SLC7A5: variants seen among roughly 807,000 people sequenced by gnomAD.
The protein encoded by SLC7A5 is large neutral amino acids transporter small subunit 1.
A neutral mutation model predicts 50.2 loss-of-function variants in SLC7A5; 23 were observed. The observed-to-expected ratio is 0.46, with a 90% CI of 0.33 to 0.65. SLC7A5 has a LOEUF of 0.65. SLC7A5 is among the 30% of genes least tolerant of loss of function. The probability of loss-of-function intolerance (pLI) is 0.02; values close to 1 mark genes in which losing one functional copy is unlikely to be tolerated. For missense variants in SLC7A5, 578 were observed against 684.4 expected (o/e 0.84, Z 1.73); for synonymous variants, 393 against 330.6 (o/e 1.19, Z -2.05).
chr16:87,842,756 G>A (rs1414167815), intron 2 of SLC7A5, among the ~76,000 whole-genome samples: 4 of 152,202 alleles, frequency 2.6e-5, no homozygotes, highest in African/African-American at 9.6e-5. Context: ...CCCACTGCCT[G>A]CGTGTGATGT....
chr16:87,858,047 G>T (rs1319415662), intron 1 of SLC7A5, among the ~76,000 whole-genome samples: 1 of 152,142 alleles, frequency 6.6e-6, no homozygotes, highest in Non-Finnish European at 1.5e-5. Context: ...TGACACAAGC[G>T]TCCTGGTGGA....
intron 1 of SLC7A5, among the ~76,000 whole-genome samples, chr16:87,863,970 T>A (rs1354963075): frequency 8.8e-6 from 1 of 113,772 alleles, no homozygotes; most frequent in African/African-American, 3.3e-5. Context: ...CCCAACCTTA[T>A]GTGTGATCAT....
In SLC7A5 at chr16:87,869,319, G is replaced by C. The variant is rs571025188; in HGVS notation, c.104C>G (p.Ser35Trp). The C allele has an allele frequency of 9.9e-6, 16 of 1,610,750 alleles. No individual in the cohort carries two copies. In the African/African-American group the frequency reaches 1.5e-4, roughly 15 times the overall value. The change falls in exon 1 of 10, where the codon TCG becomes TGG. Residue 35 changes from serine (S) to tryptophan (W), a missense_variant. This residue lies in a region of SLC7A5 where 113 missense variants were observed against 89.8 expected (regional missense o/e 1.26). Coordinates refer to ENST00000261622, the MANE Select transcript of SLC7A5 (RefSeq NM_003486.7). ...GCCCTCGCCCTCGCCTGCCGGCGCC[G>C]AGCCGTCCGCGCTCTTGGCGGCCAG... ...KMLAAKSADG[S>W]APAGEGEGVT...
chr16:87,864,573 A>G (rs1221312796), intron 1 of SLC7A5, among the ~76,000 whole-genome samples: 1 of 152,178 alleles, frequency 6.6e-6, no homozygotes, highest in East Asian at 1.9e-4. Context: ...GCCTCAGCAA[A>G]GCCCACCTCT....
intron 1 of SLC7A5, among the ~76,000 whole-genome samples, chr16:87,867,569 C>G (rs994710080): frequency 2.0e-5 from 3 of 152,136 alleles, no homozygotes; most frequent in African/African-American, 7.2e-5. Context: ...CCCCTCCCCC[C>G]CAAAGTACGG....
intron 2 of SLC7A5, among the ~76,000 whole-genome samples, chr16:87,847,282 G>C (rs1394557676): frequency 2.0e-5 from 3 of 152,200 alleles, no homozygotes; most frequent in Non-Finnish European, 4.4e-5. Flanking sequence ...CCAGCAGCTG[G>C]GCATGTGCTG....
chr16:87,843,217 C>G (rs2055104298), intron 2 of SLC7A5, among the ~76,000 whole-genome samples: 2 of 152,136 alleles, frequency 1.3e-5, no homozygotes, highest in African/African-American at 4.8e-5. Flanking sequence ...GACCTCCAGC[C>G]TCATGACAGA....
chr16:87,852,636 CTCTGTGTGTGTGTG>C lies in SLC7A5; in HGVS notation c.539-801_539-788del, dbSNP rs2055247131. 1.0e-5 allele frequency among the ~76,000 whole-genome samples: 1 copy of C among 97,438 alleles called. No homozygotes were observed. Among genetic ancestry groups the C allele is most frequent in the African/African-American group, 3.8e-5 (1 of 26,622 alleles). 63.9% of individuals were successfully genotyped at this position (97,438 alleles called of 152,430 possible). On this transcript the variant is annotated intron_variant, in intron 1 of 9. Transcript: ENST00000261622. This position sits in a 1 kb window ranked among gnomAD's most constrained non-coding sequence, Gnocchi z 4.5. ...CCCTGTAAGGCACCCAGCTCTGAGCCTCTGTGTGTGTGTGTGTGTGTGTGTGTGTGTGTGTGTGT... is the reference window on the plus strand; with the variant it reads ...CCCTGTAAGGCACCCAGCTCTGAGCCTGTGTGTGTGTGTGTGTGTGTGTGT...
At chr16:87,839,853 C>T (rs765173015) in intron 4 of SLC7A5, 28 bp from the exon 5 acceptor site, 4 of 1,612,848 alleles carry the variant, frequency 2.5e-6, no homozygotes, top group Admixed American at 3.3e-5. Flanking sequence ...GACATGTCAC[C>T]CAACGCAGCC....
At position 87,860,356 on chromosome 16, in the gene SLC7A5, A is replaced by G. The variant is rs1177911544; in HGVS notation, c.539-8507T>C. Among the ~76,000 whole-genome samples the G allele has an allele frequency of 5.8e-4, 63 of 109,516 alleles. 1 individual carries two copies. The highest frequency in any genetic ancestry group is 2.2e-3 in the African/African-American group (63 of 29,160). 71.8% of individuals were successfully genotyped at this position (109,516 alleles called of 152,430 possible). A position where few individuals can be genotyped will look rare whatever the true frequency, so the allele number is the denominator to read the frequency against. On this transcript the variant is annotated intron_variant, in intron 1 of 9. Transcript: ENST00000261622. This position sits in a 1 kb window ranked among gnomAD's most constrained non-coding sequence, Gnocchi z 4.8. Reference sequence around the variant, plus strand: ...AAAAAAAAAATACACACACACACACACACACACACACACACACACACACAC... The same window carrying G: ...AAAAAAAAAATACACACACACACACGCACACACACACACACACACACACAC...
intron 2 of SLC7A5, among the ~76,000 whole-genome samples, chr16:87,851,155 C>T (rs991866284): frequency 2.6e-5 from 4 of 151,650 alleles, no homozygotes; most frequent in African/African-American, 9.6e-5. Flanking sequence ...ACAGTGGACA[C>T]GTCTGAGTGA....
intron 1 of SLC7A5, among the ~76,000 whole-genome samples, chr16:87,865,787 T>G (rs113695266): frequency 1.8e-3 from 275 of 152,212 alleles, no homozygotes; most frequent in African/African-American, 6.2e-3. Flanking sequence ...AACGCGTGAC[T>G]TGGTACAGCC....
rs1354338922 is a variant in SLC7A5 at position 87,833,311 on chromosome 16, C to G, written c.1469-286G>C. Among the ~76,000 whole-genome samples the G allele has an allele frequency of 2.6e-5, 4 of 152,246 alleles. No individual in the cohort carries two copies. The highest frequency in any genetic ancestry group is 9.6e-5 in the African/African-American group (4 of 41,456). The stretch of plus-strand genomic sequence containing the variant: ...GAGTGCGGCCCCTGGGGCACACGAA[C>G]CAGGCCCTGGTGTCTCAGCAAAGTG... On this transcript the variant is annotated intron_variant, in intron 9 of 9. Coordinates refer to ENST00000261622, the MANE Select transcript of SLC7A5 (RefSeq NM_003486.7). The surrounding 1 kb of genome is among the most constrained non-coding windows in gnomAD (Gnocchi z 6.0).
intron 2 of SLC7A5, among the ~76,000 whole-genome samples, chr16:87,850,423 C>T (rs562032646): frequency 3.3e-5 from 5 of 152,324 alleles, no homozygotes; most frequent in Middle Eastern, 3.4e-3. Context: ...CTCTGCAGCC[C>T]TGGGGTCCTA....
At chr16:87,854,540 C>T (rs1191943478) in intron 1 of SLC7A5, among the ~76,000 whole-genome samples, 1 of 152,238 alleles carries the variant, frequency 6.6e-6, no homozygotes, top group Non-Finnish European at 1.5e-5. Context: ...TCAGTGTCCA[C>T]ACCATGGAGG....
At chr16:87,837,984 A>C (rs1435030155) in intron 6 of SLC7A5, 43 bp from the exon 7 acceptor site, 2 of 1,438,890 alleles carry the variant, frequency 1.4e-6, no homozygotes, top group Non-Finnish European at 1.9e-6. Flanking sequence ...CCGCCCCACA[A>C]CTCAGCACGT....
chr16:87,838,996 C>A (rs2055048486), intron 5 of SLC7A5, among the ~76,000 whole-genome samples, 179 bp from the exon 6 acceptor site: 4 of 152,214 alleles, frequency 2.6e-5, no homozygotes, highest in Admixed American at 2.6e-4. Flanking sequence ...CAGGGCTTTC[C>A]AGTGACCCCT....
intron 7 of SLC7A5, 71 bp from the exon 8 acceptor site, chr16:87,836,718 C>A (rs993737947): frequency 2.6e-6 from 4 of 1,551,366 alleles, no homozygotes; most frequent in East Asian, 2.2e-5. Flanking sequence ...TGGTGGCCAC[C>A]GGGGACTGTC....
chr16:87,852,687 TTGGGG>T lies in SLC7A5; in HGVS notation c.539-843_539-839del, dbSNP rs2055251764. On this transcript the variant is annotated intron_variant, in intron 1 of 9. Coordinates refer to ENST00000261622, the MANE Select transcript of SLC7A5 (RefSeq NM_003486.7). This position sits in a 1 kb window ranked among gnomAD's most constrained non-coding sequence, Gnocchi z 4.5. ...GTGTGTGTGTGTGTGTGTGTGTGTG[TTGGGG>T]GTTCTGTTGCAATATATAGGCACGC... Among the ~76,000 whole-genome samples, 1 of 126,136 alleles carries T rather than the reference TTGGGG, an allele frequency of 7.9e-6. No individual in the cohort carries two copies. The highest frequency in any genetic ancestry group is 3.2e-5 in the African/African-American group (1 of 30,976). 82.8% of individuals were successfully genotyped at this position (126,136 alleles called of 152,430 possible). A position where few individuals can be genotyped will look rare whatever the true frequency, so the allele number is the denominator to read the frequency against.
Sources: allele counts gnomAD v4.1 joint callset (sites outside exome capture counted in the v4.1 genomes callset), GRCh38; gene constraint gnomAD v4.1.1; regional missense constraint gnomAD v4.1.1; non-coding constraint Gnocchi (gnomAD v3.1); transcripts MANE v1.5; gene names NCBI Gene and HGNC (gene_info 2026-07-23, HGNC 2026-07-21).